Variants in ATXN7 observed in about 807,000 individuals in gnomAD.
The protein encoded by ATXN7 is ataxin-7.
Under a neutral mutation model 70.5 loss-of-function variants are expected in ATXN7, and 12 were observed. The observed-to-expected ratio is 0.17, with a 90% CI of 0.11 to 0.28. The LOEUF is 0.28. Ranked by LOEUF, ATXN7 falls within the 10% of genes least tolerant of loss-of-function variation. The pLI, the probability that ATXN7 is intolerant of heterozygous loss-of-function variation, is 1.00. For synonymous variants in ATXN7, 498 were observed against 448.7 expected (o/e 1.11, Z -1.39); for missense variants, 1,256 against 1,131.7 (o/e 1.11, Z -1.58).
intron 5 of ATXN7, among the ~76,000 whole-genome samples, chr3:63,962,468 A>G (rs946613040): frequency 1.3e-5 from 2 of 151,976 alleles, no homozygotes; most frequent in African/African-American, 4.8e-5. Flanking sequence ...ACAGTGGTGC[A>G]ATCTCAGCTC....
At chr3:63,903,476 A>G (rs1276436268) in intron 2 of ATXN7, among the ~76,000 whole-genome samples, 1 of 151,700 alleles carries the variant, frequency 6.6e-6, no homozygotes, top group Non-Finnish European at 1.5e-5. Flanking sequence ...CTGTCATTGC[A>G]CTTCTTTCGT....
chr3:63,944,156 G>A (rs2074817266), intron 4 of ATXN7, among the ~76,000 whole-genome samples: 1 of 152,142 alleles, frequency 6.6e-6, no homozygotes, highest in Non-Finnish European at 1.5e-5. Flanking sequence ...GTATATAGTT[G>A]TTCCCCCGTA....
rs1032541628 is a variant in ATXN7 at position 63,968,047 on chromosome 3, G to T, written c.500-11868G>T. On this transcript the variant is annotated intron_variant, in intron 5 of 12. Transcript: ENST00000674280. ...CCAGCTCTGGATGAGCCTGTGGACG[G>T]TGGGGTAGGTCTTTGCTAACCTTAC... is the stretch of plus-strand genomic sequence containing the variant. 6.1e-5 allele frequency: 76 copies of T among 1,252,010 alleles called. 1 individual carries two copies. The South Asian group carries it at 9.6e-4, about 16-fold the overall frequency. 77.6% of individuals were successfully genotyped at this position (1,252,010 alleles called of 1,614,324 possible).
At chr3:63,931,796 T>C (rs1300019568) in intron 4 of ATXN7, among the ~76,000 whole-genome samples, 1 of 152,144 alleles carries the variant, frequency 6.6e-6, no homozygotes, top group Non-Finnish European at 1.5e-5. Flanking sequence ...GTCTCCCTTG[T>C]CATTTAGGTG....
Position 63,980,085 on chromosome 3 carries a change from T to G in ATXN7, c.670T>G (p.Ser224Ala). 1 of 1,614,108 alleles carries G rather than the reference T, an allele frequency of 6.2e-7. No individual in the cohort carries two copies. Among genetic ancestry groups the G allele is most frequent in the Non-Finnish European group, 8.5e-7 (1 of 1,180,026 alleles). Residue 224 changes from serine to alanine, a missense_variant, in exon 6 of 13, where the codon TCA becomes GCA. By Grantham distance (99) the Ser-to-Ala change is moderately conservative. Coordinates refer to ENST00000674280, the MANE Select transcript of ATXN7 (RefSeq NM_001377405.1). ...ASSSSSKLLK[S>A]PKEKLQLRGN... ...CTCATCAAGTTCCAAGTTGTTGAAA[T>G]CACCCAAAGAGAAACTGCAGCTCAG...
chr3:63,991,400 G>A (rs1250612738), intron 11 of ATXN7, among the ~76,000 whole-genome samples: 1 of 150,216 alleles, frequency 6.7e-6, no homozygotes, highest in Non-Finnish European at 1.5e-5. Flanking sequence ...GAGGTAACAT[G>A]TTTTCAAGTA....
intron 5 of ATXN7, chr3:63,968,028 C>T: frequency 7.2e-7 from 1 of 1,393,232 alleles, no homozygotes; most frequent in Non-Finnish European, 9.8e-7. Flanking sequence ...GGGCCCAGCT[C>T]TGGATGAGCC....
At chr3:63,945,296 T>A (rs1006350231) in intron 4 of ATXN7, among the ~76,000 whole-genome samples, 1 of 152,244 alleles carries the variant, frequency 6.6e-6, no homozygotes, top group Non-Finnish European at 1.5e-5. Flanking sequence ...AGTAGACGTT[T>A]GAATACAAGT....
chr3:63,962,028 C>T (rs1015519299), intron 5 of ATXN7, among the ~76,000 whole-genome samples: 3 of 152,158 alleles, frequency 2.0e-5, no homozygotes, highest in Non-Finnish European at 4.4e-5. Context: ...TTTATCACTT[C>T]TTAATGCTGT....
Position 63,996,384 on chromosome 3 carries a change from A to G in ATXN7, c.2562A>G (p.Thr854=). ...SSINNSSSKP[T]KVAKVPAVNN... is the part of the protein sequence containing the mutation. Reference sequence around the variant, plus strand: ...TCAACAACAGCAGCAGCAAACCCACAAAGGTTGCCAAAGTGCCAGCCGTGA... The same window carrying G: ...TCAACAACAGCAGCAGCAAACCCACGAAGGTTGCCAAAGTGCCAGCCGTGA... Residue 854 remains threonine (T), a synonymous_variant, in exon 12 of 13, where the codon ACA becomes ACG. Coordinates refer to ENST00000674280, the MANE Select transcript of ATXN7 (RefSeq NM_001377405.1). 6.2e-7 allele frequency: 1 copy of G among 1,614,152 alleles called. No homozygotes were observed. Among genetic ancestry groups the G allele is most frequent in the Non-Finnish European group, 8.5e-7 (1 of 1,180,020 alleles).
chr3:63,994,098 C>G (rs190201477), intron 11 of ATXN7, among the ~76,000 whole-genome samples: 9 of 152,274 alleles, frequency 5.9e-5, no homozygotes, highest in African/African-American at 2.2e-4. Context: ...GTCCCCACTC[C>G]CCGCAGAGAC....
chr3:63,863,525 C>G (rs1299925540), upstream of ATXN7: 10 of 1,191,942 alleles, frequency 8.4e-6, no homozygotes, highest in East Asian at 3.2e-4. Flanking sequence ...GCGCTGCCTC[C>G]GGGAGAGCGG....
rs746238455 is a variant in ATXN7 at position 63,982,422 on chromosome 3, A to G, written c.989A>G (p.Lys330Arg). ...KKPEDNSNNR[K>R]FLNKRLSERE... is the part of the protein sequence containing the mutation. ...CCTGAAGACAATTCCAATAATAGGA[A>G]ATTTTTAAATAAGAGATTATCAGGT... is the stretch of plus-strand genomic sequence containing the variant. The change falls in exon 7 of 13, where the codon AAA becomes AGA. Residue 330 changes from lysine (K) to arginine (R), a missense_variant. By Grantham distance (26) the Lys-to-Arg change is conservative. Transcript: ENST00000674280. 1 of 1,609,256 alleles carries G rather than the reference A, an allele frequency of 6.2e-7. No homozygotes were observed. The highest frequency in any genetic ancestry group is 1.1e-5 in the South Asian group (1 of 90,726).
chr3:63,903,398 A>AG (rs1344254564), intron 2 of ATXN7, among the ~76,000 whole-genome samples: 1 of 151,634 alleles, frequency 6.6e-6, no homozygotes, highest in East Asian at 1.9e-4. Flanking sequence ...AAAAAAAAAA[A>AG]AAAAAAAAAA....
chr3:63,888,622 C>G (rs958374824), intron 1 of ATXN7, among the ~76,000 whole-genome samples: 1 of 151,974 alleles, frequency 6.6e-6, no homozygotes, highest in Non-Finnish European at 1.5e-5. Flanking sequence ...ACTAAAAATA[C>G]AAAAATAGCT....
At chr3:63,896,990 G>A (rs1238889906) in intron 1 of ATXN7, among the ~76,000 whole-genome samples, 1 of 152,186 alleles carries the variant, frequency 6.6e-6, no homozygotes, top group African/African-American at 2.4e-5. Flanking sequence ...GTGTTGTTCT[G>A]CCTTCACCTT....
chr3:63,908,308 A>G (rs1260684084), intron 2 of ATXN7, among the ~76,000 whole-genome samples: 1 of 152,236 alleles, frequency 6.6e-6, no homozygotes, highest in East Asian at 1.9e-4. Context: ...AGCATAGTTA[A>G]GGAAAGGCAT....
chr3:63,995,261 A>C (rs1576004582), intron 11 of ATXN7, among the ~76,000 whole-genome samples: 1 of 149,708 alleles, frequency 6.7e-6, no homozygotes, highest in Non-Finnish European at 1.5e-5. Flanking sequence ...TGGGGGTGGG[A>C]GGTGGAGCTA....
chr3:63,915,931 C>T (rs913386777), intron 4 of ATXN7, among the ~76,000 whole-genome samples: 3 of 152,106 alleles, frequency 2.0e-5, no homozygotes, highest in Non-Finnish European at 2.9e-5. Flanking sequence ...GGTGATCCAC[C>T]CGCCTCAGCC....
Sources: gnomAD v4.1 joint callset for allele counts (sites outside exome capture counted in the v4.1 genomes callset) on GRCh38, gnomAD v4.1.1 for gene constraint, MANE v1.5 for transcripts, NCBI Gene and HGNC (gene_info 2026-07-23, HGNC 2026-07-21) for gene names.